The following SPIDR variants were observed in gnomAD, a reference collection of about 807,000 sequenced individuals.
SPIDR encodes DNA repair-scaffolding protein.
Under a neutral mutation model 104.6 loss-of-function variants are expected in SPIDR, and 93 were observed. The ratio of observed to expected loss-of-function variants is 0.89; its 90% CI spans 0.75 to 1.06. The LOEUF is 1.06. SPIDR is among the 50% of genes least tolerant of loss of function. The probability of loss-of-function intolerance (pLI) is 0.00; values close to 1 mark genes in which losing one functional copy is unlikely to be tolerated. For synonymous variants in SPIDR, 431 were observed against 416.9 expected (o/e 1.03, Z -0.41); for missense variants, 1,154 against 1,111.2 (o/e 1.04, Z -0.55).
chr8:47,474,654 A>G (rs1249356528), intron 8 of SPIDR, among the ~76,000 whole-genome samples: 4 of 152,222 alleles, frequency 2.6e-5, no homozygotes. Flanking sequence ...TTGGCTTCAG[A>G]TATTTTTCTG....
At chr8:47,285,357 A>G (rs984935107) in intron 3 of SPIDR, among the ~76,000 whole-genome samples, 40 of 152,232 alleles carry the variant, frequency 2.6e-4, no homozygotes, top group Admixed American at 1.4e-3. Context: ...GAAGTAAACT[A>G]GTACACATCT....
In SPIDR at chr8:47,342,328, C is replaced by CTTTT. The variant is rs11357859; in HGVS notation, c.525+48321_525+48324dup. 3.3e-4 allele frequency among the ~76,000 whole-genome samples: 23 copies of CTTTT among 68,956 alleles called. 2 individuals carry two copies. The highest frequency in any genetic ancestry group is 5.1e-4 in the African/African-American group (8 of 15,610). The allele number at this position is 68,956 out of a possible 152,430, so 45.2% of individuals were successfully genotyped here. On this transcript the variant is annotated intron_variant, in intron 5 of 19. Transcript: ENST00000297423. ...CATCTTCTATTGTACTTTCAAAGGT[C>CTTTT]TTTTTTTTTTTTTTTTTTTTTTTTT...
chr8:47,618,883 A>G (rs146007951), intron 10 of SPIDR, among the ~76,000 whole-genome samples: 279 of 152,374 alleles, frequency 1.8e-3, no homozygotes, highest in South Asian at 3.9e-3. Context: ...GGATTATTAT[A>G]ATAAATGAAC....
chr8:47,270,940 T>C (rs1306064055), intron 1 of SPIDR, among the ~76,000 whole-genome samples: 1 of 152,198 alleles, frequency 6.6e-6, no homozygotes, highest in Non-Finnish European at 1.5e-5. Context: ...ATTTCACTCC[T>C]TTTAAATTTA....
intron 5 of SPIDR, among the ~76,000 whole-genome samples, chr8:47,322,344 T>C (rs572823777): frequency 9.1e-4 from 138 of 152,308 alleles, no homozygotes; most frequent in Middle Eastern, 3.4e-3. Context: ...AAGATGCTCA[T>C]CATCCCTGGC....
intron 5 of SPIDR, among the ~76,000 whole-genome samples, chr8:47,368,596 A>G (rs782446128): frequency 2.0e-5 from 3 of 152,108 alleles, no homozygotes; most frequent in African/African-American, 7.2e-5. Flanking sequence ...TTCAATGCGC[A>G]TGTCTTTTCT....
At chr8:47,364,479 T>A (rs993422536) in intron 5 of SPIDR, among the ~76,000 whole-genome samples, 2 of 152,228 alleles carry the variant, frequency 1.3e-5, no homozygotes, top group Non-Finnish European at 2.9e-5. Flanking sequence ...GTTTTGTTTT[T>A]CAGTATGTAA....
intron 6 of SPIDR, among the ~76,000 whole-genome samples, chr8:47,403,557 A>T (rs1383602822): frequency 2.6e-5 from 4 of 152,202 alleles, no homozygotes; most frequent in African/African-American, 9.7e-5. Context: ...CTTATACACC[A>T]ATAACAGACA....
intron 10 of SPIDR, among the ~76,000 whole-genome samples, chr8:47,628,545 A>G (rs561162579): frequency 5.9e-5 from 9 of 152,340 alleles, no homozygotes; most frequent in Admixed American, 1.3e-4. Flanking sequence ...TTCATGTATA[A>G]AATAATTTAA....
At chr8:47,631,677 C>T (rs2067098244) in intron 10 of SPIDR, among the ~76,000 whole-genome samples, 1 of 152,208 alleles carries the variant, frequency 6.6e-6, no homozygotes, top group Non-Finnish European at 1.5e-5. Context: ...TTCAAAGTCA[C>T]TGTTCACCAG....
chr8:47,561,736 C>T (rs1163510578), intron 8 of SPIDR, among the ~76,000 whole-genome samples: 3 of 152,218 alleles, frequency 2.0e-5, no homozygotes, highest in Admixed American at 2.0e-4. Context: ...TGTACCATCT[C>T]TCCCACTAGC....
chr8:47,350,105 G>A (rs1338981064), intron 5 of SPIDR, among the ~76,000 whole-genome samples: 2 of 152,196 alleles, frequency 1.3e-5, no homozygotes. Flanking sequence ...ATCTTGGAAT[G>A]ATCGGGTTTT....
At chr8:47,497,793 G>C in intron 8 of SPIDR, among the ~76,000 whole-genome samples, 1 of 152,160 alleles carries the variant, frequency 6.6e-6, no homozygotes, top group Non-Finnish European at 1.5e-5. Context: ...GTGTTTTAGA[G>C]GGCTTGGAGT....
intron 7 of SPIDR, among the ~76,000 whole-genome samples, chr8:47,409,968 C>T (rs561400888): frequency 3.3e-5 from 5 of 152,282 alleles, no homozygotes; most frequent in South Asian, 4.1e-4. Context: ...TTCTAGGTTA[C>T]AGTGAGCTAT....
intron 8 of SPIDR, among the ~76,000 whole-genome samples, chr8:47,544,401 T>C (rs920076092): frequency 3.9e-5 from 6 of 152,228 alleles, no homozygotes; most frequent in Non-Finnish European, 7.3e-5. Context: ...TTTTTCCTTT[T>C]ATGAATTGTG....
At chr8:47,707,597 A>C (rs1388367082) in intron 14 of SPIDR, among the ~76,000 whole-genome samples, 1 of 152,198 alleles carries the variant, frequency 6.6e-6, no homozygotes, top group Non-Finnish European at 1.5e-5. Flanking sequence ...ATTTTGATGC[A>C]GTCAGATTTA....
intron 8 of SPIDR, among the ~76,000 whole-genome samples, chr8:47,594,740 T>C (rs977606183): frequency 6.6e-5 from 10 of 152,048 alleles, no homozygotes; most frequent in Non-Finnish European, 7.4e-5. Flanking sequence ...ACATCTGTAA[T>C]CCTAGCACTT....
intron 8 of SPIDR, among the ~76,000 whole-genome samples, chr8:47,585,080 C>G (rs1179691077): frequency 6.6e-6 from 1 of 152,186 alleles, no homozygotes; most frequent in Non-Finnish European, 1.5e-5. Context: ...GACTCTACCT[C>G]TTGAAAAGAA....
intron 2 of SPIDR, among the ~76,000 whole-genome samples, 189 bp from the exon 3 acceptor site, chr8:47,283,839 A>G (rs1554560990): frequency 3.9e-5 from 6 of 152,242 alleles, no homozygotes; most frequent in Admixed American, 1.3e-4. Flanking sequence ...CTTTAGATTC[A>G]GGAAAAATAG....
Sources: gnomAD v4.1 joint callset for allele counts (sites outside exome capture counted in the v4.1 genomes callset) on GRCh38, gnomAD v4.1.1 for gene constraint, MANE v1.5 for transcripts, NCBI Gene and HGNC (gene_info 2026-07-23, HGNC 2026-07-21) for gene names.